RGS7: variants seen among roughly 807,000 people sequenced by gnomAD.
RGS7 encodes the protein regulator of G-protein signaling 7.
A neutral mutation model predicts 81.1 loss-of-function variants in RGS7; 27 were observed. The observed-to-expected ratio is 0.33, with a 90% confidence interval of 0.25 to 0.46. RGS7 has a LOEUF of 0.46. Among genes scored for constraint, RGS7 ranks in the 20% least tolerant of loss-of-function variants. RGS7 has a pLI of 1.00. For synonymous variants in RGS7, 208 were observed against 207.7 expected (o/e 1.00, Z -0.01); for missense variants, 396 against 607.4 (o/e 0.65, Z 3.66).
intron 6 of RGS7, among the ~76,000 whole-genome samples, chr1:240,879,238 T>C (rs890718633): frequency 6.6e-6 from 1 of 152,262 alleles, no homozygotes; most frequent in Admixed American, 6.5e-5. Flanking sequence ...TACGAATCGA[T>C]TGTCCCCTTC....
chr1:241,126,632 C>T (rs73129606), intron 2 of RGS7, among the ~76,000 whole-genome samples: 262 of 152,304 alleles, frequency 1.7e-3, no homozygotes, highest in African/African-American at 5.9e-3. Context: ...ACAACAATAT[C>T]CTTCTCACGG....
In RGS7 at chr1:240,793,609, A is replaced by ATTT. The variant is rs1254356744; in HGVS notation, c.*6+7031_*6+7032insAAA. Among the ~76,000 whole-genome samples the ATTT allele has an allele frequency of 7.2e-4, 63 of 87,020 alleles. 1 individual carries two copies. The highest frequency in any genetic ancestry group is 4.2e-3 in the African/African-American group (56 of 13,420). 57.1% of individuals were successfully genotyped at this position (87,020 alleles called of 152,430 possible). A position where few individuals can be genotyped will look rare whatever the true frequency, so the allele number is the denominator to read the frequency against. ...GGAATATATATATATATATATATAT[A>ATTT]TATTTTTTTTTTTTTTTTGAGACAG... On this transcript the variant is annotated intron_variant, in intron 18 of 18. Transcript: ENST00000440928.
rs10681773 is a variant in RGS7 at position 241,121,710 on chromosome 1, CTTTTTTTT to C, written c.79-22956_79-22949del. ...TCTATCCACCTGTGTTGCAATTGTT[CTTTTTTTT>C]TTTTTTTTTTTTTTTTTGAGACAGG... is the stretch of plus-strand genomic sequence containing the variant. On this transcript the variant is annotated intron_variant, in intron 2 of 18. Coordinates refer to ENST00000440928, the MANE Select transcript of RGS7 (RefSeq NM_001364886.1). 1.2e-4 allele frequency among the ~76,000 whole-genome samples: 8 copies of C among 66,412 alleles called. No homozygotes were observed. In the East Asian group the frequency reaches 2.2e-3, roughly 18 times the overall value. 43.6% of individuals were successfully genotyped at this position (66,412 alleles called of 152,430 possible). A position where few individuals can be genotyped will look rare whatever the true frequency, so the allele number is the denominator to read the frequency against.
intron 2 of RGS7, among the ~76,000 whole-genome samples, chr1:241,321,987 C>T (rs992377169): frequency 3.3e-5 from 5 of 152,154 alleles, no homozygotes; most frequent in African/African-American, 1.2e-4. Flanking sequence ...GTTCTCTGAG[C>T]ATTCAGAGAA....
chr1:241,338,478 C>T (rs537639055), intron 2 of RGS7, among the ~76,000 whole-genome samples: 3 of 152,076 alleles, frequency 2.0e-5, no homozygotes, highest in Admixed American at 6.6e-5. Flanking sequence ...ACATGAGGAA[C>T]CAATTTCCAG....
At chr1:240,814,573 C>A in intron 12 of RGS7, 143 bp downstream of exon 12, 1 of 645,038 alleles carries the variant, frequency 1.6e-6, no homozygotes, top group Admixed American at 2.6e-5. Flanking sequence ...TTTCTATGTG[C>A]AAAAAGGAAA....
At chr1:240,920,189 C>G in intron 6 of RGS7, 1 of 1,077,270 alleles carries the variant, frequency 9.3e-7, no homozygotes, top group Non-Finnish European at 1.4e-6. Context: ...TTAGGAAAGC[C>G]CTGTCAAAGC....
At chr1:240,972,551 T>G (rs1342285553) in intron 4 of RGS7, among the ~76,000 whole-genome samples, 6 of 46,352 alleles carry the variant, frequency 1.3e-4, no homozygotes, top group African/African-American at 1.8e-4. Flanking sequence ...TGTGGTGGGG[T>G]GGGGGGAGGG....
intron 18 of RGS7, among the ~76,000 whole-genome samples, chr1:240,793,612 T>TATATATATATATATATATATA (rs11270798): frequency 2.1e-4 from 6 of 28,584 alleles, no homozygotes; most frequent in African/African-American, 7.3e-4. Flanking sequence ...TATATATATA[T>TATATATATATATATATATATA]TTTTTTTTTT....
rs536725638 is a variant in RGS7, at chr1:241,110,296, C to A, written c.79-11534G>T. ...ATCGGCCCCCTTTCAGATGGAGAGA[C>A]CACAGTTCCTGACAGATGAAAGGCT... On this transcript the variant is annotated intron_variant, in intron 2 of 18. Transcript: ENST00000440928. Among the ~76,000 whole-genome samples, 13 of 152,252 alleles carry A rather than the reference C, an allele frequency of 8.5e-5. No individual in the cohort carries two copies. The South Asian group carries it at 2.1e-3, about 24-fold the overall frequency.
At chr1:241,299,650 A>G (rs1018271788) in intron 2 of RGS7, among the ~76,000 whole-genome samples, 1 of 152,118 alleles carries the variant, frequency 6.6e-6, no homozygotes, top group Non-Finnish European at 1.5e-5. Flanking sequence ...ATTTCAAAAT[A>G]TAGTGTTAAT....
At chr1:240,834,287 T>C (rs750720281) in intron 9 of RGS7, among the ~76,000 whole-genome samples, 3 of 152,196 alleles carry the variant, frequency 2.0e-5, no homozygotes, top group Non-Finnish European at 2.9e-5. Context: ...ATTTACTCAT[T>C]TGATTCCTAT....
At chr1:240,904,294 G>C (rs901984788) in intron 6 of RGS7, among the ~76,000 whole-genome samples, 28 of 152,190 alleles carry the variant, frequency 1.8e-4, no homozygotes, top group African/African-American at 6.5e-4. Flanking sequence ...ATCAGGACGG[G>C]AGTGTTACAA....
intron 9 of RGS7, among the ~76,000 whole-genome samples, chr1:240,829,133 T>A (rs956437839): frequency 6.6e-6 from 1 of 152,062 alleles, no homozygotes; most frequent in Non-Finnish European, 1.5e-5. Context: ...AGGAAGTAAA[T>A]GAGGAAAACA....
At chr1:241,149,770 G>T (rs1280821246) in intron 2 of RGS7, among the ~76,000 whole-genome samples, 2 of 152,024 alleles carry the variant, frequency 1.3e-5, no homozygotes, top group Non-Finnish European at 2.9e-5. Context: ...GGAGTGGTGG[G>T]CATTTCTTTT....
At chr1:240,889,447 TTA>T (rs1475635833) in intron 6 of RGS7, among the ~76,000 whole-genome samples, 1 of 151,342 alleles carries the variant, frequency 6.6e-6, no homozygotes, top group African/African-American at 2.4e-5. Flanking sequence ...AAGGGAGAGG[TTA>T]TGTCAGGGCT....
intron 3 of RGS7, among the ~76,000 whole-genome samples, chr1:241,057,009 A>G (rs2061505802): frequency 6.6e-6 from 1 of 151,508 alleles, no homozygotes; most frequent in Admixed American, 6.6e-5. Flanking sequence ...CAATATGTAC[A>G]CCGTTGATAT....
chr1:241,073,334 A>C (rs1267818154), intron 3 of RGS7, among the ~76,000 whole-genome samples: 2 of 152,160 alleles, frequency 1.3e-5, no homozygotes, highest in African/African-American at 4.8e-5. Flanking sequence ...TGTAATGATA[A>C]ATTCCCAGCA....
intron 2 of RGS7, among the ~76,000 whole-genome samples, chr1:241,189,169 C>A (rs2072388036): frequency 6.6e-6 from 1 of 152,094 alleles, no homozygotes; most frequent in African/African-American, 2.4e-5. Flanking sequence ...TTTTTTTGTA[C>A]AGACAAGAGT....
Sources: allele counts gnomAD v4.1 joint callset (sites outside exome capture counted in the v4.1 genomes callset), GRCh38; gene constraint gnomAD v4.1.1; transcripts MANE v1.5; gene names NCBI Gene and HGNC (gene_info 2026-07-23, HGNC 2026-07-21).